Variants in PAH observed in about 807,000 individuals in gnomAD.
The protein encoded by PAH is phenylalanine hydroxylase.
In PAH, 64 loss-of-function variants were observed where a neutral mutation model predicts 62.0. The observed-to-expected ratio is 1.03, with a 90% CI of 0.84 to 1.27. PAH has a LOEUF of 1.27. Ranked by LOEUF, PAH falls within the 50% of genes most tolerant of loss-of-function variation. The probability of loss-of-function intolerance (pLI) is 0.00; values close to 1 mark genes in which losing one functional copy is unlikely to be tolerated. For missense variants in PAH, 579 were observed against 542.8 expected, an observed-to-expected ratio of 1.07 and a Z score of -0.66; for synonymous variants, 195 against 196.2, an observed-to-expected ratio of 0.99 and a Z score of 0.05.
rs533742732 is a variant in PAH at position 102,925,460 on chromosome 12, A to AT, written c.-95-8236dup. 2.3e-3 allele frequency among the ~76,000 whole-genome samples: 352 copies of AT among 152,230 alleles called. 1 individual carries two copies. The highest frequency in any genetic ancestry group is 0.01 in the Middle Eastern group (3 of 294). ...ATTAACTTCTACTTTCTTTAAACTC[A>AT]TTTTTTTGACGTTTCTGTCACTCAC... is the stretch of plus-strand genomic sequence containing the variant. On this transcript the variant is annotated intron_variant, in intron 1 of 3. Coordinates refer to the PAH transcript ENST00000546844.
chr12:102,868,176 G>GTATATATA (rs201396594), intron 4 of PAH, among the ~76,000 whole-genome samples: 4 of 2,386 alleles, frequency 1.7e-3, no homozygotes, highest in Non-Finnish European at 3.3e-3. Context: ...ACATATATGT[G>GTATATATA]TATATATATA....
At chr12:102,925,422 T>G (rs1250446591) in intron 1 of PAH, among the ~76,000 whole-genome samples, 3 of 152,152 alleles carry the variant, frequency 2.0e-5, no homozygotes, top group Non-Finnish European at 4.4e-5. Context: ...TGACTTAGAA[T>G]TTGATGAGAA....
At chr12:102,949,682 T>G (rs1162482577) in intron 1 of PAH, among the ~76,000 whole-genome samples, 1 of 152,130 alleles carries the variant, frequency 6.6e-6, no homozygotes, top group East Asian at 1.9e-4. Flanking sequence ...GGGGTGACCA[T>G]CTGGTTGGGG....
chr12:102,862,476 G>C (rs113691273), intron 5 of PAH, among the ~76,000 whole-genome samples: 3 of 152,182 alleles, frequency 2.0e-5, no homozygotes, highest in African/African-American at 7.2e-5. Flanking sequence ...TGATGAAATA[G>C]TCTGTAAAAC....
chr12:102,884,764 C>G (rs559759840), intron 3 of PAH, among the ~76,000 whole-genome samples: 1 of 152,292 alleles, frequency 6.6e-6, no homozygotes, highest in South Asian at 2.1e-4. Context: ...CACCTGGGCT[C>G]TTCTGATTTT....
rs1182192097 is a variant in PAH, at chr12:102,868,055, T to C, written c.442-1392A>G. Among the ~76,000 whole-genome samples, 3 of 128,294 alleles carry C rather than the reference T, an allele frequency of 2.3e-5. No individual in the cohort carries two copies. The East Asian group carries it at 6.3e-4, about 27-fold the overall frequency. 84.2% of individuals were successfully genotyped at this position (128,294 alleles called of 152,430 possible). A position where few individuals can be genotyped will look rare whatever the true frequency, so the allele number is the denominator to read the frequency against. ...GTATATACACCTATATATATGTATATATATACACATATATATACATATATG... is the reference window on the plus strand; with the variant it reads ...GTATATACACCTATATATATGTATACATATACACATATATATACATATATG... On this transcript the variant is annotated intron_variant, in intron 4 of 12. Transcript: ENST00000553106.
At chr12:102,932,453 A>G (rs1592997595) in intron 1 of PAH, among the ~76,000 whole-genome samples, 1 of 152,228 alleles carries the variant, frequency 6.6e-6, no homozygotes, top group East Asian at 1.9e-4. Flanking sequence ...GAAGATATTC[A>G]CATAAAAAGA....
In PAH at chr12:102,859,525, G is replaced by C. The variant is rs1026769198; in HGVS notation, c.510-4193C>G. 3.3e-5 allele frequency among the ~76,000 whole-genome samples: 5 copies of C among 152,046 alleles called. 1 individual carries two copies. Among genetic ancestry groups the C allele is most frequent in the Admixed American group, 2.0e-4 (3 of 15,278 alleles). The stretch of plus-strand genomic sequence containing the variant: ...AGCCTGGCAGAGACACAACAAAAAA[G>C]AGAATTTCAGACCAATATCCCTGAT... On this transcript the variant is annotated intron_variant, in intron 5 of 12. Transcript: ENST00000553106.
At chr12:102,860,293 A>G (rs985067009) in intron 5 of PAH, among the ~76,000 whole-genome samples, 4 of 152,258 alleles carry the variant, frequency 2.6e-5, no homozygotes, top group African/African-American at 9.6e-5. Context: ...GACCTCTTCA[A>G]GGAGAACTTG....
chr12:102,952,251 T>A (rs556484852), upstream of PAH, among the ~76,000 whole-genome samples: 7 of 152,276 alleles, frequency 4.6e-5, no homozygotes, highest in South Asian at 1.4e-3. Flanking sequence ...GACCTCTGTT[T>A]GAATACTGCC....
At chr12:102,878,230 C>A (rs1876660815) in intron 3 of PAH, among the ~76,000 whole-genome samples, 1 of 152,212 alleles carries the variant, frequency 6.6e-6, no homozygotes, top group Admixed American at 6.5e-5. Flanking sequence ...TTATGTGTTT[C>A]CCTCCCAAAG....
chr12:102,934,809 A>C (rs764308143), intron 1 of PAH, among the ~76,000 whole-genome samples: 10 of 152,066 alleles, frequency 6.6e-5, no homozygotes, highest in Non-Finnish European at 1.2e-4. Flanking sequence ...CAGTTCTGTT[A>C]TTTGGTTAAG....
At chr12:102,863,267 T>G (rs1415718159) in intron 5 of PAH, among the ~76,000 whole-genome samples, 1 of 152,178 alleles carries the variant, frequency 6.6e-6, no homozygotes, top group African/African-American at 2.4e-5. Context: ...TGATTCTCAT[T>G]TTAAAAGAAA....
chr12:102,944,599 T>C lies in PAH; in HGVS notation c.-96+5990A>G, dbSNP rs373812005. Among the ~76,000 whole-genome samples the C allele has an allele frequency of 1.3e-3, 198 of 152,356 alleles. 4 individuals are homozygous for C. In the South Asian group the frequency reaches 0.035, roughly 27 times the overall value. The stretch of plus-strand genomic sequence containing the variant: ...AGCTTCAGAATTTCTGCTCAATTCT[T>C]TTTAATTGTTTTAAATTTTGATAAA... On this transcript the variant is annotated intron_variant, in intron 1 of 3. Transcript: ENST00000546844.
At chr12:102,893,417 A>G (rs111454861) in intron 3 of PAH, among the ~76,000 whole-genome samples, 1,696 of 151,788 alleles carry the variant, frequency 0.011, 48 homozygotes, top group African/African-American at 0.039. Flanking sequence ...TAAAAATAAA[A>G]ATAAAAAATA....
At chr12:102,938,157 C>G (rs1459926594) in intron 1 of PAH, among the ~76,000 whole-genome samples, 1 of 152,172 alleles carries the variant, frequency 6.6e-6, no homozygotes, top group Non-Finnish European at 1.5e-5. Context: ...AGGAATGAGG[C>G]AGGACAGCTG....
rs1355030586 is a variant in PAH at position 102,852,916 on chromosome 12, G to A, written c.741C>T (p.Gly247=). The A allele has an allele frequency of 2.5e-6, 4 of 1,614,076 alleles. No homozygotes were observed. The highest frequency in any genetic ancestry group is 4.5e-5 in the East Asian group (2 of 44,872). Residue 247 remains glycine (G), a synonymous_variant, in exon 7 of 13, where the codon GGC becomes GGT. Transcript: ENST00000553106. ...CTGFRLRPVA[G]LLSSRDFLGG... ...CCAAGAAATCCCGAGAGGAAAGCAG[G>A]CCAGCCACAGGTCGGAGGCGGAAAC... is the stretch of plus-strand genomic sequence containing the variant.
Position 102,884,060 on chromosome 12 carries a change from G to A in PAH, c.353-6510C>T, listed in dbSNP as rs117234442. The stretch of plus-strand genomic sequence containing the variant: ...AAGGACAAGTGAGAAAGGGTGAGAA[G>A]CTCTGGTGCTCACTTCCTCCAGGCA... On this transcript the variant is annotated intron_variant, in intron 3 of 12. Coordinates refer to ENST00000553106, the MANE Select transcript of PAH (RefSeq NM_000277.3). Among the ~76,000 whole-genome samples, 778 of 152,348 alleles carry A rather than the reference G, an allele frequency of 5.1e-3. 14 individuals are homozygous for A. The highest frequency in any genetic ancestry group is 0.029 in the Admixed American group (442 of 15,310).
intron 11 of PAH, 116 bp downstream of exon 11, chr12:102,843,530 A>G (rs1874676446): frequency 4.9e-6 from 5 of 1,022,884 alleles, no homozygotes; most frequent in South Asian, 2.7e-5. Flanking sequence ...GAAACTGTCT[A>G]TGGTACAAAG....
Sources: gnomAD v4.1 joint callset for allele counts (sites outside exome capture counted in the v4.1 genomes callset) on GRCh38, gnomAD v4.1.1 for gene constraint, MANE v1.5 for transcripts, NCBI Gene and HGNC (gene_info 2026-07-23, HGNC 2026-07-21) for gene names.